Variants in CEP290 observed in about 807,000 individuals in gnomAD.
CEP290 encodes centrosomal protein of 290 kDa.
Under a neutral mutation model 344.9 loss-of-function variants are expected in CEP290, and 317 were observed. The ratio of observed to expected loss-of-function variants is 0.92; its 90% CI spans 0.84 to 1.01. The LOEUF (loss-of-function observed/expected upper bound fraction) is 1.01, where lower values mean the gene tolerates loss of function less well. Ranked by LOEUF, CEP290 falls within the 50% of genes least tolerant of loss-of-function variation. The probability of loss-of-function intolerance (pLI) is 0.00; values close to 1 mark genes in which losing one functional copy is unlikely to be tolerated. For missense variants in CEP290, 2,754 were observed against 2,761.4 expected (o/e 1.00, Z 0.06); for synonymous variants, 932 against 895.8 (o/e 1.04, Z -0.72).
At chr12:88,087,360 A>G (rs914396974) in intron 32 of CEP290, among the ~76,000 whole-genome samples, 1 of 152,146 alleles carries the variant, frequency 6.6e-6, no homozygotes, top group Admixed American at 6.5e-5. Context: ...AATAAAAAAC[A>G]AATTATTATA....
rs1357423833 is a variant in CEP290 at position 88,090,720 on chromosome 12, G to A, written c.3573+8C>T. 1 of 1,490,820 alleles carries A rather than the reference G, an allele frequency of 6.7e-7. No homozygotes were observed. The highest frequency in any genetic ancestry group is 9.2e-7 in the Non-Finnish European group (1 of 1,090,344). The allele number at this position is 1,490,820 out of a possible 1,614,324, so 92.3% of individuals were successfully genotyped here. A position where few individuals can be genotyped will look rare whatever the true frequency, so the allele number is the denominator to read the frequency against. On this transcript the variant is annotated splice_region_variant and intron_variant, in intron 30 of 53. Coordinates refer to ENST00000552810, the MANE Select transcript of CEP290 (RefSeq NM_025114.4). ...GATTCTATGTAGAAGAGCCAATACTGCACATACCTGATAGTCTAGCAGTTG... is the reference window on the plus strand; with the variant it reads ...GATTCTATGTAGAAGAGCCAATACTACACATACCTGATAGTCTAGCAGTTG...
intron 53 of CEP290, 191 bp downstream of exon 53, chr12:88,050,163 T>C: frequency 2.1e-6 from 1 of 470,760 alleles, no homozygotes; most frequent in Non-Finnish European, 3.7e-6. Context: ...TAATCCTATG[T>C]TGAGTCTGAA....
At chr12:88,079,761 C>T (rs961581382) in intron 38 of CEP290, among the ~76,000 whole-genome samples, 5 of 152,110 alleles carry the variant, frequency 3.3e-5, no homozygotes, top group African/African-American at 1.2e-4. Flanking sequence ...ACAAAAACAT[C>T]TCTATGACCC....
chr12:88,057,537 A>G (rs2034110471), intron 49 of CEP290, among the ~76,000 whole-genome samples: 1 of 152,128 alleles, frequency 6.6e-6, no homozygotes. Context: ...CCCACTCCAT[A>G]TCATCACATT....
At chr12:88,130,762 T>C (rs1427199441) in intron 7 of CEP290, among the ~76,000 whole-genome samples, 197 bp from the exon 8 acceptor site, 1 of 152,012 alleles carries the variant, frequency 6.6e-6, no homozygotes, top group Non-Finnish European at 1.5e-5. Flanking sequence ...AGAACTTCTA[T>C]CAGAATAAAC....
intron 28 of CEP290, chr12:88,093,565 CAT>C (rs1476650052): frequency 4.1e-6 from 2 of 489,638 alleles, no homozygotes; most frequent in Non-Finnish European, 7.2e-6. Flanking sequence ...AATAATATAA[CAT>C]TGGTGAGAAA....
Position 88,077,706 on chromosome 12 carries a change from A to G in CEP290, c.5577T>C (p.Ser1859=), listed in dbSNP as rs1481341836. Residue 1859 remains serine (S), a synonymous_variant, in exon 40 of 54, where the codon AGT becomes AGC. Coordinates refer to ENST00000552810, the MANE Select transcript of CEP290 (RefSeq NM_025114.4). ...TTAAATATAAAATTACCTGTAATCC[A>G]CTGGTTAGTCTTTTAATTTGCCTTT... ...ELKRQIKRLT[S]GLQGKPLTDN... 21 of 1,535,794 alleles carry G rather than the reference A, an allele frequency of 1.4e-5. No individual in the cohort carries two copies. Among genetic ancestry groups the G allele is most frequent in the Non-Finnish European group, 1.9e-5 (21 of 1,134,702 alleles).
intron 18 of CEP290, chr12:88,115,739 A>C: frequency 1.1e-6 from 1 of 935,862 alleles, no homozygotes; most frequent in Non-Finnish European, 1.3e-6. Context: ...GAACAACCAC[A>C]GAAATATAAT....
In CEP290 at chr12:88,131,146, AACT is replaced by A; in HGVS notation, c.495+16_495+18del. On this transcript the variant is annotated intron_variant, in intron 7 of 53. Transcript: ENST00000552810. ...ATAAGTACCTTTGTTGAACCACCAC[AACT>A]ACTAAAATTTTTTACCTCTCTTCTT... The A allele has an allele frequency of 6.7e-7, 1 of 1,495,538 alleles. No individual in the cohort carries two copies. Among genetic ancestry groups the A allele is most frequent in the Non-Finnish European group, 8.9e-7 (1 of 1,127,862 alleles). 92.6% of individuals were successfully genotyped at this position (1,495,538 alleles called of 1,614,324 possible). A position where few individuals can be genotyped will look rare whatever the true frequency, so the allele number is the denominator to read the frequency against.
At chr12:88,139,837 T>C (rs2040545080) in intron 3 of CEP290, among the ~76,000 whole-genome samples, 1 of 152,204 alleles carries the variant, frequency 6.6e-6, no homozygotes, top group Non-Finnish European at 1.5e-5. Flanking sequence ...CAAGCAATCT[T>C]CCCATCTCAG....
chr12:88,120,337 T>C, intron 14 of CEP290, 61 bp from the exon 15 acceptor site: 3 of 882,446 alleles, frequency 3.4e-6, no homozygotes, highest in Non-Finnish European at 4.8e-6. Flanking sequence ...ATTTATCAAG[T>C]TCATGATTTT....
intron 13 of CEP290, among the ~76,000 whole-genome samples, chr12:88,121,630 A>T (rs1284812754): frequency 7.0e-6 from 1 of 142,864 alleles, no homozygotes; most frequent in African/African-American, 2.6e-5. Flanking sequence ...AAAAAAAAAA[A>T]TGTTTTTAAA....
At chr12:88,100,096 A>G (rs1369408221) in intron 26 of CEP290, among the ~76,000 whole-genome samples, 1 of 151,924 alleles carries the variant, frequency 6.6e-6, no homozygotes, top group Non-Finnish European at 1.5e-5. Flanking sequence ...CCCGGCCAAC[A>G]TGGCAAAACC....
At position 88,087,855 on chromosome 12, in the gene CEP290, T is replaced by C. The variant is rs117122459; in HGVS notation, c.4119A>G (p.Lys1373=). The C allele has an allele frequency of 0.03, 38,469 of 1,268,110 alleles. 693 individuals are homozygous for C. The highest frequency in any genetic ancestry group is 0.044 in the South Asian group (1,553 of 35,206). 78.6% of individuals were successfully genotyped at this position (1,268,110 alleles called of 1,614,324 possible). The change falls in exon 32 of 54, where the codon AAA becomes AAG. Residue 1373 remains lysine (K), a synonymous_variant. Coordinates refer to ENST00000552810, the MANE Select transcript of CEP290 (RefSeq NM_025114.4). ...RELVKDKEEI[K]YLNNIISEYE... ...ATTCAGAAATTATGTTATTCAAATA[T>C]TTTATTTCTTCTTTATCCTTGACTA...
intron 6 of CEP290, among the ~76,000 whole-genome samples, chr12:88,132,025 C>A (rs1019530294): frequency 9.2e-5 from 14 of 152,204 alleles, no homozygotes; most frequent in African/African-American, 2.9e-4. Context: ...CTTAACATCT[C>A]TTTAACTCAG....
chr12:88,091,587 T>G (rs2037046268), intron 29 of CEP290, among the ~76,000 whole-genome samples: 1 of 152,206 alleles, frequency 6.6e-6, no homozygotes, highest in South Asian at 2.1e-4. Flanking sequence ...TCATTGCCAG[T>G]TGCATGATTA....
intron 30 of CEP290, among the ~76,000 whole-genome samples, chr12:88,090,512 C>G (rs995946877): frequency 1.3e-5 from 2 of 152,110 alleles, no homozygotes; most frequent in Admixed American, 6.6e-5. Context: ...TGCCTGTAGT[C>G]CCAGCTGTCT....
chr12:88,114,070 C>A, intron 20 of CEP290, among the ~76,000 whole-genome samples: 1 of 151,912 alleles, frequency 6.6e-6, no homozygotes, highest in East Asian at 1.9e-4. Context: ...AGGATACAGC[C>A]CAAAGCCATG....
intron 6 of CEP290, among the ~76,000 whole-genome samples, chr12:88,134,741 A>C (rs888316083): frequency 1.3e-5 from 2 of 152,208 alleles, no homozygotes; most frequent in Non-Finnish European, 2.9e-5. Flanking sequence ...ATAATGAATT[A>C]ATGCATATGA....
Sources: gnomAD v4.1 joint callset for allele counts (sites outside exome capture counted in the v4.1 genomes callset) on GRCh38, gnomAD v4.1.1 for gene constraint, MANE v1.5 for transcripts, NCBI Gene and HGNC (gene_info 2026-07-23, HGNC 2026-07-21) for gene names.